Variants in TANGO2 observed in about 807,000 individuals in gnomAD.
TANGO2 encodes the protein transport and golgi organization 2 homolog.
In TANGO2, 26 loss-of-function variants were observed where a neutral mutation model predicts 39.1. The observed-to-expected ratio is 0.67, with a 90% CI of 0.49 to 0.92. The LOEUF is 0.92. Among genes scored for constraint, TANGO2 ranks in the 40% least tolerant of loss-of-function variants. The pLI, the probability that TANGO2 is intolerant of heterozygous loss-of-function variation, is 0.00. For synonymous variants in TANGO2, 131 were observed against 144.5 expected (o/e 0.91, Z 0.67); for missense variants, 326 against 360.1 (o/e 0.91, Z 0.77).
chr22:20,050,136 G>A (rs563527776), intron 3 of TANGO2, among the ~76,000 whole-genome samples: 2 of 152,022 alleles, frequency 1.3e-5, no homozygotes, highest in South Asian at 2.1e-4. Flanking sequence ...GCCTGAACCC[G>A]GGAGGCGGAG....
At chr22:20,061,498 C>T (rs1426966875) in intron 6 of TANGO2, 32 bp from the exon 7 acceptor site, 2 of 1,576,912 alleles carry the variant, frequency 1.3e-6, no homozygotes, top group Non-Finnish European at 1.7e-6. Flanking sequence ...CACAGCAGGG[C>T]CTCTGCATGG....
chr22:20,027,742 G>A (rs2041055726), intron 1 of TANGO2, among the ~76,000 whole-genome samples: 1 of 151,870 alleles, frequency 6.6e-6, no homozygotes, highest in Admixed American at 6.6e-5. Flanking sequence ...TGAGTAGCTG[G>A]GACTACAGAT....
intron 7 of TANGO2, among the ~76,000 whole-genome samples, chr22:20,062,521 C>T (rs545188596): frequency 7.2e-5 from 11 of 152,370 alleles, no homozygotes; most frequent in Middle Eastern, 3.4e-3. Context: ...GCCTCAGCAT[C>T]GCTGCCTCAC....
intron 5 of TANGO2, chr22:20,055,190 T>G (rs1335973335): frequency 6.6e-6 from 1 of 152,410 alleles, no homozygotes; most frequent in African/African-American, 2.4e-5. Context: ...CCTCTTCACT[T>G]TGCAAAAAAG....
At position 20,053,501 on chromosome 22, in the gene TANGO2, T is replaced by C; in HGVS notation, c.330T>C (p.Ser110=). The C allele has an allele frequency of 6.2e-7, 1 of 1,614,064 alleles. No individual in the cohort carries two copies. Among genetic ancestry groups the C allele is most frequent in the Non-Finnish European group, 8.5e-7 (1 of 1,179,912 alleles). Residue 110 remains serine, a synonymous_variant, in exon 5 of 9, where the codon TCT becomes TCC. Transcript: ENST00000327374. ...VDSLSYLKKV[S]MEGHLYNGFN... ...GCTTGTCCTACCTGAAGAAGGTCTC[T>C]ATGGAGGGCCATCTGTACAATGGCT...
chr22:20,060,210 G>A (rs13055355), intron 6 of TANGO2, among the ~76,000 whole-genome samples: 2 of 152,052 alleles, frequency 1.3e-5, no homozygotes, highest in Admixed American at 6.6e-5. Flanking sequence ...TTATCCAGGC[G>A]TGGTGGCGGG....
rs551072560 is a variant in TANGO2 at position 20,043,395 on chromosome 22, C to T, written c.97C>T (p.Pro33Ser). 3 of 1,613,738 alleles carry T rather than the reference C, an allele frequency of 1.9e-6. No homozygotes were observed. In the African/African-American group the frequency reaches 4.0e-5, roughly 21 times the overall value. The change falls in exon 3 of 9, where the codon CCC (proline) becomes TCC (serine). Residue 33 changes from proline to serine, a missense_variant. Physicochemically the swap from Pro to Ser is moderately conservative, Grantham distance 74. Transcript: ENST00000327374. The part of the protein sequence containing the change: ...AANRDEFYSR[P>S]SKLADFWGNN... ...CAACAGGGATGAATTCTACAGCCGA[C>T]CCTCCAAGTTAGCTGACTTCTGGGG...
chr22:20,028,752 G>A (rs896580043), intron 1 of TANGO2, among the ~76,000 whole-genome samples: 4 of 152,240 alleles, frequency 2.6e-5, no homozygotes, highest in African/African-American at 7.2e-5. Context: ...GGACATGCAG[G>A]AGGGTGGCCT....
intron 7 of TANGO2, 123 bp from the exon 8 acceptor site, chr22:20,063,215 C>A (rs2048704863): frequency 2.9e-6 from 2 of 691,908 alleles, no homozygotes; most frequent in African/African-American, 3.6e-5. Flanking sequence ...AGAAAAGAAA[C>A]AACCCTTGCA....
intron 2 of TANGO2, among the ~76,000 whole-genome samples, chr22:20,041,471 C>T (rs1280963383): frequency 6.6e-6 from 1 of 152,180 alleles, no homozygotes; most frequent in South Asian, 2.1e-4. Context: ...CGCCACCACA[C>T]CTGGCTAATT....
intron 2 of TANGO2, among the ~76,000 whole-genome samples, chr22:20,041,455 G>A (rs1466314293): frequency 6.6e-6 from 1 of 152,058 alleles, no homozygotes; most frequent in Non-Finnish European, 1.5e-5. Context: ...TGGGACTACA[G>A]GCGCCCGCCA....
chr22:20,061,745 G>C (rs2048429866), intron 7 of TANGO2, 62 bp downstream of exon 7: 1 of 1,479,536 alleles, frequency 6.8e-7, no homozygotes, highest in Non-Finnish European at 9.0e-7. Flanking sequence ...AGAGGGAAAG[G>C]CAGGCCCTGC....
In TANGO2 at chr22:20,056,245, C is replaced by T. The variant is rs185827560; in HGVS notation, c.451+232C>T. On this transcript the variant is annotated intron_variant, in intron 6 of 8. Coordinates refer to ENST00000327374, the MANE Select transcript of TANGO2 (RefSeq NM_152906.7). ...CTTTTCCTGCTGAGCAAGGTGCGCC[C>T]CTGTTCTGGGCTTCCCACCGCAGCC... The T allele has an allele frequency of 2.4e-3, 1,645 of 684,188 alleles. 10 individuals are homozygous for T. The highest frequency in any genetic ancestry group is 9.6e-3 in the Middle Eastern group (41 of 4,290). The allele number at this position is 684,188 out of a possible 1,614,324, so 42.4% of individuals were successfully genotyped here.
intron 3 of TANGO2, among the ~76,000 whole-genome samples, chr22:20,044,813 T>C (rs970212183): frequency 1.3e-5 from 2 of 152,174 alleles, no homozygotes; most frequent in African/African-American, 4.8e-5. Context: ...ATGTGGCGGC[T>C]CAGAGGGTTA....
In TANGO2 at chr22:20,052,604, G is replaced by A. The variant is rs2046570679; in HGVS notation, c.265+20G>A. The A allele has an allele frequency of 6.6e-7, 1 of 1,513,614 alleles. No individual in the cohort carries two copies. Among genetic ancestry groups the A allele is most frequent in the Non-Finnish European group, 8.9e-7 (1 of 1,126,270 alleles). The allele number at this position is 1,513,614 out of a possible 1,614,324, so 93.8% of individuals were successfully genotyped here. The stretch of plus-strand genomic sequence containing the variant: ...GGCGAGGTAAGGCGAGTGGGGTGGG[G>A]CCAAGGTGAGACAGGGTGGGGTGGG... On this transcript the variant is annotated intron_variant, in intron 4 of 8. Coordinates refer to ENST00000327374, the MANE Select transcript of TANGO2 (RefSeq NM_152906.7).
chr22:20,060,172 A>AC (rs1444823938), intron 6 of TANGO2, among the ~76,000 whole-genome samples: 2 of 151,308 alleles, frequency 1.3e-5, no homozygotes, highest in Admixed American at 1.3e-4. Flanking sequence ...AACCGGTGAA[A>AC]CCCCGTCTCT....
intron 3 of TANGO2, 78 bp from the exon 4 acceptor site, chr22:20,052,387 G>A: frequency 6.5e-7 from 1 of 1,538,438 alleles, no homozygotes; most frequent in Non-Finnish European, 8.8e-7. Flanking sequence ...GGCCGAGTAT[G>A]CGTCTCCCAG....
At chr22:20,040,910 T>C (rs2043780223) in intron 2 of TANGO2, among the ~76,000 whole-genome samples, 1 of 152,184 alleles carries the variant, frequency 6.6e-6, no homozygotes, top group South Asian at 2.1e-4. Flanking sequence ...CCCTGAGACC[T>C]GGTGCAGCCC....
chr22:20,029,598 G>T (rs1310396239), intron 1 of TANGO2, among the ~76,000 whole-genome samples: 1 of 152,182 alleles, frequency 6.6e-6, no homozygotes, highest in Non-Finnish European at 1.5e-5. Context: ...AGGCTTGGGG[G>T]TGTTGAGGGA....
Sources: gnomAD v4.1 joint callset for allele counts (sites outside exome capture counted in the v4.1 genomes callset) on GRCh38, gnomAD v4.1.1 for gene constraint, MANE v1.5 for transcripts, NCBI Gene and HGNC (gene_info 2026-07-23, HGNC 2026-07-21) for gene names.